ZC3H7B: variants seen among roughly 807,000 people sequenced by gnomAD.
ZC3H7B encodes zinc finger CCCH domain-containing protein 7B.
Under a neutral mutation model 116.0 loss-of-function variants are expected in ZC3H7B, and 35 were observed. The ratio of observed to expected loss-of-function variants is 0.30; its 90% CI spans 0.23 to 0.40. ZC3H7B has a LOEUF of 0.40. ZC3H7B is among the 10% of genes least tolerant of loss of function. ZC3H7B has a pLI of 1.00. For missense variants in ZC3H7B, 1,011 were observed against 1,321.5 expected (o/e 0.77, Z 3.64); for synonymous variants, 502 against 545.6 (o/e 0.92, Z 1.11).
At chr22:41,306,505 C>T (rs1010151512) in intron 1 of ZC3H7B, among the ~76,000 whole-genome samples, 8 of 151,696 alleles carry the variant, frequency 5.3e-5, no homozygotes, top group Non-Finnish European at 1.2e-4. Flanking sequence ...TCTCAAGTAG[C>T]TGGGATTACA....
At chr22:41,347,201 A>G (rs920722036) in intron 14 of ZC3H7B, among the ~76,000 whole-genome samples, 1 of 152,164 alleles carries the variant, frequency 6.6e-6, no homozygotes, top group Admixed American at 6.5e-5. Context: ...CCCAGGACAC[A>G]GGCAGATTGA....
chr22:41,349,738 AC>A lies in ZC3H7B; in HGVS notation c.1948+440del, dbSNP rs1039781142. Among the ~76,000 whole-genome samples, 5 of 152,100 alleles carry A rather than the reference AC, an allele frequency of 3.3e-5. No homozygotes were observed. The highest frequency in any genetic ancestry group is 1.2e-4 in the African/African-American group (5 of 41,398). On this transcript the variant is annotated intron_variant, in intron 16 of 22. Coordinates refer to ENST00000352645, the MANE Select transcript of ZC3H7B (RefSeq NM_017590.6). This position sits in a 1 kb window ranked among gnomAD's most constrained non-coding sequence, Gnocchi z 4.9. ...GGGGATTGGAAGGTGTTCTCCACTC[AC>A]CCACCAGGGATTTACTGAGCACCTT...
rs1242285962 is a variant in ZC3H7B at position 41,351,025 on chromosome 22, A to C, written c.1949-536A>C. On this transcript the variant is annotated intron_variant, in intron 16 of 22. Coordinates refer to ENST00000352645, the MANE Select transcript of ZC3H7B (RefSeq NM_017590.6). The surrounding 1 kb of genome is among the most constrained non-coding windows in gnomAD (Gnocchi z 5.1). ...GGTCGGGCTCAGTGGCAACAGTCTG[A>C]GGCTGGCGGGGAGACAGACTGGAGA... is the stretch of plus-strand genomic sequence containing the variant. Among the ~76,000 whole-genome samples the C allele has an allele frequency of 6.6e-6, 1 of 152,198 alleles. No individual in the cohort carries two copies. The highest frequency in any genetic ancestry group is 2.4e-5 in the African/African-American group (1 of 41,446).
At position 41,351,949 on chromosome 22, in the gene ZC3H7B, AG is replaced by A. The variant is rs150237660; in HGVS notation, c.2034+304del. ...GTGATCCTCCTGCCTCAGCCTCCTG[AG>A]TAGCTGGGATTACAGGCATGCACCA... On this transcript the variant is annotated intron_variant, in intron 17 of 22. Coordinates refer to ENST00000352645, the MANE Select transcript of ZC3H7B (RefSeq NM_017590.6). This position sits in a 1 kb window ranked among gnomAD's most constrained non-coding sequence, Gnocchi z 5.1. Among the ~76,000 whole-genome samples the A allele has an allele frequency of 0.035, 5,387 of 152,020 alleles. 296 individuals are homozygous for A. The highest frequency in any genetic ancestry group is 0.12 in the African/African-American group (4,876 of 41,408).
rs781161293 is a variant in ZC3H7B, at chr22:41,338,367, G to A, written c.625+12G>A. The stretch of plus-strand genomic sequence containing the variant: ...TGACATCGAAACAGGTAATGTCCCC[G>A]ATACGAGGGAACAAGTGGAAATTGG... On this transcript the variant is annotated intron_variant, in intron 8 of 22. Coordinates refer to ENST00000352645, the MANE Select transcript of ZC3H7B (RefSeq NM_017590.6). The surrounding 1 kb of genome is among the most constrained non-coding windows in gnomAD (Gnocchi z 4.5). 11 of 1,612,966 alleles carry A rather than the reference G, an allele frequency of 6.8e-6. No homozygotes were observed. Among genetic ancestry groups the A allele is most frequent in the Admixed American group, 1.7e-5 (1 of 59,870 alleles).
Position 41,349,381 on chromosome 22 carries a change from G to T in ZC3H7B, c.1948+80G>T, listed in dbSNP as rs1693056992. 1.3e-6 allele frequency: 2 copies of T among 1,550,972 alleles called. No homozygotes were observed. Among genetic ancestry groups the T allele is most frequent in the African/African-American group, 2.7e-5 (2 of 73,994 alleles). ...GCGCAGGTGAAGGGAGCGCAGGACT[G>T]ACTGGGGTGACAGGCCAGGGCCCCA... is the stretch of plus-strand genomic sequence containing the variant. On this transcript the variant is annotated intron_variant, in intron 16 of 22. Transcript: ENST00000352645. This position sits in a 1 kb window ranked among gnomAD's most constrained non-coding sequence, Gnocchi z 4.9.
chr22:41,341,282 C>T, intron 11 of ZC3H7B, 136 bp downstream of exon 11: 16 of 1,022,482 alleles, frequency 1.6e-5, no homozygotes, highest in Non-Finnish European at 2.3e-5. Flanking sequence ...GTGGATGGAT[C>T]AAAGATGATC....
chr22:41,342,849 A>T (rs1279139684), intron 12 of ZC3H7B, among the ~76,000 whole-genome samples: 2 of 152,142 alleles, frequency 1.3e-5, no homozygotes, highest in East Asian at 3.8e-4. Flanking sequence ...ACATGGTCAG[A>T]CTCACTAGAG....
intron 1 of ZC3H7B, among the ~76,000 whole-genome samples, chr22:41,307,014 C>A (rs907992549): frequency 6.7e-6 from 1 of 148,836 alleles, no homozygotes; most frequent in African/African-American, 2.5e-5. Flanking sequence ...CATTCTGTCA[C>A]CCAGGCTGGA....
Position 41,346,771 on chromosome 22 carries a change from G to A in ZC3H7B, c.1665+563G>A, listed in dbSNP as rs763454728. Among the ~76,000 whole-genome samples, 7 of 152,040 alleles carry A rather than the reference G, an allele frequency of 4.6e-5. No homozygotes were observed. Among genetic ancestry groups the A allele is most frequent in the Non-Finnish European group, 8.8e-5 (6 of 68,022 alleles). On this transcript the variant is annotated intron_variant, in intron 14 of 22. Coordinates refer to ENST00000352645, the MANE Select transcript of ZC3H7B (RefSeq NM_017590.6). This position sits in a 1 kb window ranked among gnomAD's most constrained non-coding sequence, Gnocchi z 5.3. The stretch of plus-strand genomic sequence containing the variant: ...GCAAAGGTTGCAGTGAGCCGAGATC[G>A]CGCAACTGCACTAGAGACTCCATCT...
At chr22:41,341,714 G>A (rs558351280) in intron 11 of ZC3H7B, among the ~76,000 whole-genome samples, 2 of 152,012 alleles carry the variant, frequency 1.3e-5, no homozygotes, top group East Asian at 3.9e-4. Context: ...CTGCATTCCA[G>A]CCTGGGCGAC....
At chr22:41,348,209 T>G (rs758330862) in intron 15 of ZC3H7B, 42 bp downstream of exon 15, 15 of 1,564,700 alleles carry the variant, frequency 9.6e-6, no homozygotes, top group Non-Finnish European at 1.3e-5. Context: ...TAGGGGCCAG[T>G]GGAGAGTCCC....
intron 1 of ZC3H7B, among the ~76,000 whole-genome samples, chr22:41,314,697 C>T (rs1452649687): frequency 2.0e-5 from 3 of 151,272 alleles, no homozygotes; most frequent in Admixed American, 6.6e-5. Flanking sequence ...GCAACCGCTG[C>T]CTCATGGGTT....
rs1161293023 is a variant in ZC3H7B, at chr22:41,359,562, AGT to A, written c.*2135_*2136del. The A allele has an allele frequency of 4.6e-5, 7 of 152,156 alleles. No individual in the cohort carries two copies. In the East Asian group the frequency reaches 9.6e-4, roughly 21 times the overall value. The allele number at this position is 152,156 out of a possible 1,614,324, so 9.4% of individuals were successfully genotyped here. A position where few individuals can be genotyped will look rare whatever the true frequency, so the allele number is the denominator to read the frequency against. Reference sequence around the variant, plus strand: ...GACCACCCCCATCGAGTGCGGAGAGAGTGGGAGTGCTCAGGGAAAGAAGGTGA... The same window carrying A: ...GACCACCCCCATCGAGTGCGGAGAGAGGGAGTGCTCAGGGAAAGAAGGTGA... On this transcript the variant is annotated 3_prime_UTR_variant, in exon 23 of 23. Coordinates refer to ENST00000352645, the MANE Select transcript of ZC3H7B (RefSeq NM_017590.6).
intron 1 of ZC3H7B, among the ~76,000 whole-genome samples, chr22:41,315,996 T>C (rs1411711917): frequency 2.0e-5 from 3 of 152,128 alleles, no homozygotes; most frequent in African/African-American, 7.2e-5. Flanking sequence ...TAGTTTTTTT[T>C]TTTTTTTGAG....
chr22:41,349,761 C>T lies in ZC3H7B; in HGVS notation c.1948+460C>T, dbSNP rs1282046731. 1.3e-5 allele frequency among the ~76,000 whole-genome samples: 2 copies of T among 152,220 alleles called. No homozygotes were observed. The highest frequency in any genetic ancestry group is 2.4e-5 in the African/African-American group (1 of 41,454). On this transcript the variant is annotated intron_variant, in intron 16 of 22. Coordinates refer to ENST00000352645, the MANE Select transcript of ZC3H7B (RefSeq NM_017590.6). This position sits in a 1 kb window ranked among gnomAD's most constrained non-coding sequence, Gnocchi z 4.9. ...TCACCCACCAGGGATTTACTGAGCA[C>T]CTTCTCTTGTCAGGGCATTCAGCCA...
intron 5 of ZC3H7B, among the ~76,000 whole-genome samples, chr22:41,328,376 T>C (rs573462841): frequency 6.6e-6 from 1 of 152,338 alleles, no homozygotes; most frequent in South Asian, 2.1e-4. Flanking sequence ...CCAATCTTTG[T>C]TGGGCAAATA....
intron 11 of ZC3H7B, 142 bp from the exon 12 acceptor site, chr22:41,342,387 G>A: frequency 1.5e-6 from 1 of 673,470 alleles, no homozygotes; most frequent in Non-Finnish European, 2.5e-6. Flanking sequence ...GGTGGAGGAA[G>A]AGGAAGGGTC....
chr22:41,318,422 G>A (rs1193447622), intron 1 of ZC3H7B, among the ~76,000 whole-genome samples: 4 of 151,702 alleles, frequency 2.6e-5, no homozygotes, highest in African/African-American at 9.7e-5. Context: ...CCAACTACTC[G>A]GGAGGCTGAG....
Sources: gnomAD v4.1 joint callset for allele counts (sites outside exome capture counted in the v4.1 genomes callset) on GRCh38, gnomAD v4.1.1 for gene constraint, Gnocchi (gnomAD v3.1) non-coding constraint, MANE v1.5 for transcripts, NCBI Gene and HGNC (gene_info 2026-07-23, HGNC 2026-07-21) for gene names.